Variants in CSMD1 observed in about 807,000 individuals in gnomAD.
CSMD1 encodes CUB and Sushi multiple domains 1.
In CSMD1, 213 loss-of-function variants were observed where a neutral mutation model predicts 417.5. That is an observed-to-expected ratio of 0.51 (90% CI 0.46 to 0.57). The LOEUF (loss-of-function observed/expected upper bound fraction) is 0.57. Ranked by LOEUF, CSMD1 falls within the 20% of genes least tolerant of loss-of-function variation. The probability of loss-of-function intolerance (pLI) is 0.00; values close to 1 mark genes in which losing one functional copy is unlikely to be tolerated. For missense variants in CSMD1, 6,923 were observed against 4,529.7 expected, an observed-to-expected ratio of 1.53 and a Z score of -15.17; for synonymous variants, 2,862 against 1,736.8, an observed-to-expected ratio of 1.65 and a Z score of -16.11.
intron 5 of CSMD1, among the ~76,000 whole-genome samples, chr8:3,904,952 T>G (rs1808016040): frequency 6.6e-6 from 1 of 152,136 alleles, no homozygotes; most frequent in Non-Finnish European, 1.5e-5. Flanking sequence ...ATACGTATTT[T>G]CCTTATCTGA....
rs369331693 is a variant in CSMD1 at position 3,730,999 on chromosome 8, T to G, written c.932-22508A>C. 1.4e-3 allele frequency among the ~76,000 whole-genome samples: 206 copies of G among 152,270 alleles called. 1 individual carries two copies. The highest frequency in any genetic ancestry group is 4.7e-3 in the African/African-American group (196 of 41,564). On this transcript the variant is annotated intron_variant, in intron 6 of 69. Coordinates refer to ENST00000635120, the MANE Select transcript of CSMD1 (RefSeq NM_033225.6). ...TTTCAAACATACACAAAATTACAGATAAAAGTGAATTGAACCTACAGATAC... is the reference window on the plus strand; with the variant it reads ...TTTCAAACATACACAAAATTACAGAGAAAAGTGAATTGAACCTACAGATAC...
chr8:4,665,401 A>T (rs1307096343), intron 1 of CSMD1, among the ~76,000 whole-genome samples: 1 of 152,206 alleles, frequency 6.6e-6, no homozygotes. Context: ...GAGTCGTGAA[A>T]GTTATGTCAC....
At chr8:4,813,295 T>TC (rs1192484080) in intron 1 of CSMD1, among the ~76,000 whole-genome samples, 1 of 149,620 alleles carries the variant, frequency 6.7e-6, no homozygotes, top group Non-Finnish European at 1.5e-5. Context: ...AACAAATCAC[T>TC]CCCCCCACAG....
intron 5 of CSMD1, among the ~76,000 whole-genome samples, chr8:3,994,230 G>C (rs1242258228): frequency 1.3e-5 from 2 of 148,916 alleles, no homozygotes; most frequent in Non-Finnish European, 3.0e-5. Context: ...TCACAGAAGG[G>C]TATGGAAGCC....
At chr8:4,024,602 A>G (rs911825990) in intron 4 of CSMD1, among the ~76,000 whole-genome samples, 1 of 152,022 alleles carries the variant, frequency 6.6e-6, no homozygotes, top group Non-Finnish European at 1.5e-5. Context: ...TTCCCTGCCC[A>G]TTTCTTAAGG....
At chr8:4,300,981 G>A (rs905515203) in intron 3 of CSMD1, among the ~76,000 whole-genome samples, 2 of 152,126 alleles carry the variant, frequency 1.3e-5, no homozygotes, top group Non-Finnish European at 2.9e-5. Context: ...TGTAAATAGT[G>A]CACTATAAAC....
chr8:3,948,485 G>T (rs563500281), intron 5 of CSMD1, among the ~76,000 whole-genome samples: 2 of 152,050 alleles, frequency 1.3e-5, no homozygotes, highest in Non-Finnish European at 2.9e-5. Context: ...ATTTTCTCCA[G>T]AAGTTGTTTT....
At position 3,670,605 on chromosome 8, in the gene CSMD1, C is replaced by CATATATATGGGGATATATATATTGCAT. The variant is rs1563255007; in HGVS notation, c.1009+37808_1009+37809insATGCAATATATATATCCCCATATATAT. Among the ~76,000 whole-genome samples the CATATATATGGGGATATATATATTGCAT allele has an allele frequency of 1.4e-4, 18 of 128,958 alleles. 1 individual carries two copies. The East Asian group carries it at 2.7e-3, about 20-fold the overall frequency. The allele number at this position is 128,958 out of a possible 152,430, so 84.6% of individuals were successfully genotyped here. A position where few individuals can be genotyped will look rare whatever the true frequency, so the allele number is the denominator to read the frequency against. On this transcript the variant is annotated intron_variant, in intron 7 of 69. Coordinates refer to ENST00000635120, the MANE Select transcript of CSMD1 (RefSeq NM_033225.6). ...TATATATGGGGATATATATATTGCA[C>CATATATATGGGGATATATATATTGCAT]ATATATATGGGGATATATATATGGG...
At chr8:3,878,058 G>T (rs1805948460) in intron 5 of CSMD1, among the ~76,000 whole-genome samples, 1 of 151,936 alleles carries the variant, frequency 6.6e-6, no homozygotes, top group East Asian at 1.9e-4. Context: ...ACATATTCAT[G>T]CTGGGTGGTC....
chr8:3,757,120 G>T (rs1379220532), intron 5 of CSMD1, among the ~76,000 whole-genome samples: 1 of 151,992 alleles, frequency 6.6e-6, no homozygotes, highest in Non-Finnish European at 1.5e-5. Context: ...CACTTTATTT[G>T]CATGCCTACA....
intron 12 of CSMD1, among the ~76,000 whole-genome samples, chr8:3,412,730 A>C (rs563882313): frequency 1.6e-4 from 24 of 152,230 alleles, no homozygotes; most frequent in Non-Finnish European, 2.9e-4. Flanking sequence ...AGCCAAATAC[A>C]TCTATAGAGA....
chr8:3,022,841 G>C (rs927505864), intron 51 of CSMD1, among the ~76,000 whole-genome samples: 4 of 152,172 alleles, frequency 2.6e-5, no homozygotes, highest in Non-Finnish European at 5.9e-5. Context: ...GTATAGATCA[G>C]AGTCAGGAAT....
At chr8:4,172,285 C>T (rs748850411) in intron 3 of CSMD1, among the ~76,000 whole-genome samples, 3 of 152,116 alleles carry the variant, frequency 2.0e-5, no homozygotes, top group East Asian at 1.9e-4. Flanking sequence ...TTTCCTCTTG[C>T]AATGCAGTAA....
At chr8:4,664,440 G>C (rs575559662) in intron 1 of CSMD1, among the ~76,000 whole-genome samples, 11 of 152,152 alleles carry the variant, frequency 7.2e-5, no homozygotes, top group African/African-American at 2.6e-4. Context: ...CCCGCCTGTG[G>C]TCTCAGCTAC....
chr8:4,739,896 C>A (rs1030027258), intron 1 of CSMD1, among the ~76,000 whole-genome samples: 2 of 152,114 alleles, frequency 1.3e-5, no homozygotes, highest in African/African-American at 4.8e-5. Context: ...CATTGACAGC[C>A]GTTTCTCCAC....
intron 1 of CSMD1, among the ~76,000 whole-genome samples, chr8:4,695,267 C>G (rs1301140989): frequency 4.6e-5 from 7 of 152,180 alleles, no homozygotes; most frequent in Admixed American, 4.6e-4. Context: ...CTACCAAAAC[C>G]TCTCTCTCTG....
chr8:4,720,325 G>A (rs116379719), intron 1 of CSMD1, among the ~76,000 whole-genome samples: 2 of 151,994 alleles, frequency 1.3e-5, no homozygotes, highest in African/African-American at 4.8e-5. Context: ...AAAATCTATT[G>A]CACCAGAATA....
chr8:2,952,806 G>C (rs986459823), intron 65 of CSMD1, among the ~76,000 whole-genome samples: 4 of 152,148 alleles, frequency 2.6e-5, no homozygotes, highest in African/African-American at 9.7e-5. Flanking sequence ...TGGCTGGGTA[G>C]GGTAAGATAC....
intron 2 of CSMD1, among the ~76,000 whole-genome samples, chr8:4,583,080 G>C (rs182830199): frequency 2.0e-5 from 3 of 152,310 alleles, no homozygotes; most frequent in African/African-American, 2.4e-5. Context: ...CAGGGCTCAG[G>C]ACCTGCAGCC....
Sources: allele counts gnomAD v4.1 joint callset (sites outside exome capture counted in the v4.1 genomes callset), GRCh38; gene constraint gnomAD v4.1.1; transcripts MANE v1.5; gene names NCBI Gene and HGNC (gene_info 2026-07-23, HGNC 2026-07-21).